FCHO2: variants seen among roughly 807,000 people sequenced by gnomAD.
FCHO2 encodes the protein F-BAR domain only protein 2.
A neutral mutation model predicts 114.1 loss-of-function variants in FCHO2; 43 were observed. The observed-to-expected ratio is 0.38, with a 90% CI of 0.30 to 0.49. The LOEUF (loss-of-function observed/expected upper bound fraction) is 0.49, where lower values mean the gene tolerates loss of function less well. Ranked by LOEUF, FCHO2 falls within the 20% of genes least tolerant of loss-of-function variation. The pLI, the probability that FCHO2 is intolerant of heterozygous loss-of-function variation, is 0.97. For missense variants in FCHO2, 807 were observed against 950.4 expected, an observed-to-expected ratio of 0.85 and a Z score of 1.98; for synonymous variants, 293 against 315.2, an observed-to-expected ratio of 0.93 and a Z score of 0.75.
intron 8 of FCHO2, among the ~76,000 whole-genome samples, chr5:73,032,341 A>G (rs1240264081): frequency 1.3e-5 from 2 of 152,008 alleles, no homozygotes; most frequent in Non-Finnish European, 2.9e-5. Flanking sequence ...TTTAATATAT[A>G]TTTTTTGATT....
chr5:73,052,744 G>A (rs1319942646), intron 13 of FCHO2: 1 of 363,452 alleles, frequency 2.8e-6, no homozygotes, highest in Non-Finnish European at 4.9e-6. Context: ...CATAAACAGT[G>A]CTGTGTGTCT....
intron 8 of FCHO2, among the ~76,000 whole-genome samples, chr5:73,019,064 C>A (rs1025542599): frequency 3.3e-5 from 5 of 152,182 alleles, no homozygotes; most frequent in Non-Finnish European, 7.3e-5. Context: ...GTTCGAAGAC[C>A]TGTAATGCCA....
In FCHO2 at chr5:73,068,834, C is replaced by G. The variant is rs672642; in HGVS notation, c.1579+55C>G. On this transcript the variant is annotated intron_variant, in intron 19 of 25. Coordinates refer to ENST00000430046, the MANE Select transcript of FCHO2 (RefSeq NM_138782.3). ...ATGTAGTGTACAAAGTATATGTATG[C>G]TAAATATGTATATATTTTTAAATGG... The G allele has an allele frequency of 1.6e-4, 246 of 1,518,240 alleles. 2 individuals are homozygous for G. In the East Asian group the frequency reaches 3.2e-3, roughly 19 times the overall value. The allele number at this position is 1,518,240 out of a possible 1,614,324, so 94.0% of individuals were successfully genotyped here.
rs1756560354 is a variant in FCHO2 at position 73,037,296 on chromosome 5, A to C, written c.914+81A>C. 3 of 1,106,104 alleles carry C rather than the reference A, an allele frequency of 2.7e-6. No homozygotes were observed. The Admixed American group carries it at 8.9e-5, about 33-fold the overall frequency. The allele number at this position is 1,106,104 out of a possible 1,614,324, so 68.5% of individuals were successfully genotyped here. A position where few individuals can be genotyped will look rare whatever the true frequency, so the allele number is the denominator to read the frequency against. On this transcript the variant is annotated intron_variant, in intron 10 of 25. Transcript: ENST00000430046. ...AAGACTTTTGAATTTGGAAAGAAAA[A>C]AGTATTTTGGAAATAACTCAAAAGT... is the stretch of plus-strand genomic sequence containing the variant.
intron 5 of FCHO2, among the ~76,000 whole-genome samples, chr5:73,002,562 T>C (rs1754503290): frequency 6.6e-6 from 1 of 152,216 alleles, no homozygotes; most frequent in Non-Finnish European, 1.5e-5. Context: ...TTCCACTTCA[T>C]TAATATAATA....
At chr5:73,050,995 T>G (rs1757313680) in intron 11 of FCHO2, 1 of 229,350 alleles carries the variant, frequency 4.4e-6, no homozygotes, top group African/African-American at 2.4e-5. Context: ...AGCTTTCAAA[T>G]CACATGTACT....
chr5:73,000,248 G>A (rs1258796617), intron 5 of FCHO2, among the ~76,000 whole-genome samples: 1 of 152,124 alleles, frequency 6.6e-6, no homozygotes, highest in Non-Finnish European at 1.5e-5. Flanking sequence ...CGAGGCAGGT[G>A]GATTACCTGA....
At chr5:73,014,680 C>T (rs1755206835) in intron 6 of FCHO2, among the ~76,000 whole-genome samples, 1 of 152,092 alleles carries the variant, frequency 6.6e-6, no homozygotes, top group South Asian at 2.1e-4. Flanking sequence ...TTTGCTTTGC[C>T]AACTGATTGT....
intron 19 of FCHO2, among the ~76,000 whole-genome samples, chr5:73,070,328 C>T (rs1742573506): frequency 6.6e-6 from 1 of 152,106 alleles, no homozygotes. Flanking sequence ...AATGTCTAAA[C>T]ATGATGTCAC....
At chr5:73,056,440 T>A (rs1466875299) in intron 16 of FCHO2, among the ~76,000 whole-genome samples, 1 of 152,214 alleles carries the variant, frequency 6.6e-6, no homozygotes, top group Admixed American at 6.5e-5. Context: ...GTGCTCCACC[T>A]TCTCATCCCT....
intron 5 of FCHO2, among the ~76,000 whole-genome samples, chr5:72,993,941 A>G (rs1459703406): frequency 3.3e-5 from 5 of 152,188 alleles, no homozygotes; most frequent in Non-Finnish European, 7.4e-5. Context: ...ATATGCAGAA[A>G]ATTGAAACTG....
chr5:73,015,075 C>CA (rs1001718712), intron 6 of FCHO2, among the ~76,000 whole-genome samples: 824 of 31,082 alleles, frequency 0.027, 39 homozygotes, highest in African/African-American at 0.055. Context: ...GACTCCGTCT[C>CA]AAAAAAAAAA....
chr5:73,025,613 A>G (rs1249921903), intron 8 of FCHO2, among the ~76,000 whole-genome samples: 1 of 152,066 alleles, frequency 6.6e-6, no homozygotes, highest in African/African-American at 2.4e-5. Context: ...TCCTGACCTC[A>G]GGTAATCCTC....
intron 20 of FCHO2, among the ~76,000 whole-genome samples, chr5:73,075,815 T>C (rs1008352107): frequency 6.6e-6 from 1 of 152,134 alleles, no homozygotes; most frequent in African/African-American, 2.4e-5. Flanking sequence ...TCAAGATTTG[T>C]TGGAGGCAAA....
At chr5:72,976,548 C>G (rs1401773960) in intron 2 of FCHO2, among the ~76,000 whole-genome samples, 2 of 151,928 alleles carry the variant, frequency 1.3e-5, no homozygotes, top group Non-Finnish European at 2.9e-5. Context: ...TGTGTATCTT[C>G]TTTAGTGAGG....
At chr5:73,018,730 A>G (rs543116900) in intron 8 of FCHO2, among the ~76,000 whole-genome samples, 13 of 152,320 alleles carry the variant, frequency 8.5e-5, no homozygotes, top group African/African-American at 3.1e-4. Flanking sequence ...TCACTTGATC[A>G]CAAAGTCTGA....
chr5:73,038,252 C>CA (rs1374978972), intron 10 of FCHO2: 1 of 152,128 alleles, frequency 6.6e-6, no homozygotes, highest in Non-Finnish European at 1.5e-5. Flanking sequence ...TCAATTAAAT[C>CA]AGATTCTCTA....
intron 5 of FCHO2, among the ~76,000 whole-genome samples, chr5:72,996,261 T>A (rs1377790056): frequency 2.3e-4 from 23 of 98,942 alleles, no homozygotes; most frequent in East Asian, 3.6e-4. Context: ...AAAAAAAAAA[T>A]CCTGTTATGT....
rs531647822 is a variant in FCHO2, at chr5:72,979,485, G to A, written c.126-9942G>A. Among the ~76,000 whole-genome samples, 142 of 128,176 alleles carry A rather than the reference G, an allele frequency of 1.1e-3. 1 individual carries two copies. The highest frequency in any genetic ancestry group is 1.0e-3 in the Admixed American group (10 of 9,894). 84.1% of individuals were successfully genotyped at this position (128,176 alleles called of 152,430 possible). A position where few individuals can be genotyped will look rare whatever the true frequency, so the allele number is the denominator to read the frequency against. On this transcript the variant is annotated intron_variant, in intron 2 of 25. Coordinates refer to ENST00000430046, the MANE Select transcript of FCHO2 (RefSeq NM_138782.3). Reference sequence around the variant, plus strand: ...CGGCTCACTGCAAGCTCCGCCTCCCGGGTTCACGCCATTCTCCTGCCTCAG... The same window carrying A: ...CGGCTCACTGCAAGCTCCGCCTCCCAGGTTCACGCCATTCTCCTGCCTCAG...
Sources: allele counts gnomAD v4.1 joint callset (sites outside exome capture counted in the v4.1 genomes callset), GRCh38; gene constraint gnomAD v4.1.1; transcripts MANE v1.5; gene names NCBI Gene and HGNC (gene_info 2026-07-23, HGNC 2026-07-21).